The following FHIT variants were observed in gnomAD, a reference collection of about 807,000 sequenced individuals.
The protein encoded by FHIT is fragile histidine triad diadenosine triphosphatase.
In FHIT, 19 loss-of-function variants were observed where a neutral mutation model predicts 17.9. That is an observed-to-expected ratio of 1.06 (90% confidence interval 0.74 to 1.56). The LOEUF (loss-of-function observed/expected upper bound fraction) is 1.56, where lower values mean the gene tolerates loss of function less well. FHIT is among the 40% of genes most tolerant of loss of function. The pLI is 0.00. For synonymous variants in FHIT, 81 were observed against 69.7 expected (o/e 1.16, Z -0.81); for missense variants, 248 against 189.2 (o/e 1.31, Z -1.82).
At chr3:60,242,916 T>C (rs1396364915) in intron 5 of FHIT, among the ~76,000 whole-genome samples, 1 of 152,048 alleles carries the variant, frequency 6.6e-6, no homozygotes, top group African/African-American at 2.4e-5. Context: ...GTCAGCATAT[T>C]AACACACCAG....
chr3:59,938,859 A>T (rs1575730812), intron 7 of FHIT, among the ~76,000 whole-genome samples: 1 of 152,162 alleles, frequency 6.6e-6, no homozygotes, highest in East Asian at 1.9e-4. Flanking sequence ...AGGATAAATG[A>T]CTCCGATTAG....
At chr3:60,653,895 A>G (rs1011711208) in intron 4 of FHIT, among the ~76,000 whole-genome samples, 12 of 152,284 alleles carry the variant, frequency 7.9e-5, no homozygotes, top group Middle Eastern at 6.8e-3. Flanking sequence ...TTCCTGCCCA[A>G]ATCTCTTCAA....
chr3:60,228,342 G>A (rs1252683022), intron 5 of FHIT, among the ~76,000 whole-genome samples: 2 of 152,088 alleles, frequency 1.3e-5, no homozygotes, highest in Non-Finnish European at 2.9e-5. Flanking sequence ...AACCAGCACA[G>A]GGCTTTCTTT....
intron 7 of FHIT, among the ~76,000 whole-genome samples, chr3:59,943,385 G>A (rs1332757535): frequency 3.9e-5 from 6 of 152,096 alleles, no homozygotes; most frequent in African/African-American, 1.4e-4. Context: ...GAAATTGGAG[G>A]AGGATTATAC....
At chr3:59,835,133 G>C (rs765833516) in intron 8 of FHIT, among the ~76,000 whole-genome samples, 2 of 152,144 alleles carry the variant, frequency 1.3e-5, no homozygotes, top group African/African-American at 4.8e-5. Context: ...TCAACACATC[G>C]ATTATATGGA....
intron 7 of FHIT, among the ~76,000 whole-genome samples, chr3:59,978,621 G>A (rs1486299126): frequency 6.6e-6 from 1 of 151,062 alleles, no homozygotes; most frequent in Non-Finnish European, 1.5e-5. Flanking sequence ...TAGAAACAAC[G>A]GGGCTTTGGG....
intron 4 of FHIT, among the ~76,000 whole-genome samples, chr3:60,630,093 G>A (rs1341178479): frequency 4.6e-5 from 7 of 152,124 alleles, no homozygotes; most frequent in African/African-American, 1.7e-4. Context: ...GGTTCAAACA[G>A]GAACCCTACC....
At chr3:60,675,061 A>C (rs1359619929) in intron 4 of FHIT, among the ~76,000 whole-genome samples, 2 of 152,210 alleles carry the variant, frequency 1.3e-5, no homozygotes, top group African/African-American at 4.8e-5. Context: ...CCTAGGCAGA[A>C]AGCCAAGGTG....
intron 8 of FHIT, among the ~76,000 whole-genome samples, chr3:59,907,594 C>T (rs776557770): frequency 5.3e-5 from 8 of 152,182 alleles, no homozygotes; most frequent in Admixed American, 6.5e-5. Flanking sequence ...TGAGTGGGCA[C>T]GTGCATGCAT....
intron 4 of FHIT, among the ~76,000 whole-genome samples, chr3:60,794,318 A>T (rs559247322): frequency 6.6e-6 from 1 of 152,170 alleles, no homozygotes; most frequent in African/African-American, 2.4e-5. Context: ...CATATTCTAA[A>T]TAGAGAGATG....
intron 5 of FHIT, among the ~76,000 whole-genome samples, chr3:60,156,177 C>T (rs569635258): frequency 6.6e-6 from 1 of 150,958 alleles, no homozygotes; most frequent in African/African-American, 2.4e-5. Flanking sequence ...CATGGTGAAA[C>T]CCCTTCTCTA....
intron 8 of FHIT, among the ~76,000 whole-genome samples, chr3:59,774,665 T>C (rs1702223820): frequency 6.6e-6 from 1 of 152,204 alleles, no homozygotes; most frequent in Non-Finnish European, 1.5e-5. Flanking sequence ...CTTTTTTTCC[T>C]GTCTGTCTCC....
intron 5 of FHIT, among the ~76,000 whole-genome samples, chr3:60,045,017 T>C (rs1460632407): frequency 6.6e-6 from 1 of 151,988 alleles, no homozygotes; most frequent in East Asian, 1.9e-4. Context: ...CTTTTGCTTG[T>C]CCATATTGGC....
intron 5 of FHIT, among the ~76,000 whole-genome samples, chr3:60,109,290 TC>T (rs550460915): frequency 1.2e-3 from 189 of 152,338 alleles, no homozygotes; most frequent in Non-Finnish European, 1.6e-3. Context: ...TTAATGTCAT[TC>T]ACACAAGGAA....
chr3:61,036,901 G>GTTTTTTTTTTGTTTT (rs2033269178), intron 3 of FHIT, among the ~76,000 whole-genome samples: 1 of 70,308 alleles, frequency 1.4e-5, no homozygotes, highest in African/African-American at 3.2e-5. Context: ...AGTCTGCTTT[G>GTTTTTTTTTTGTTTT]TTTTTTTTTT....
intron 3 of FHIT, among the ~76,000 whole-genome samples, chr3:60,983,285 G>A (rs1710572182): frequency 6.6e-6 from 1 of 152,026 alleles, no homozygotes; most frequent in African/African-American, 2.4e-5. Flanking sequence ...AAGAGGGAGA[G>A]AAGAAGGAAA....
chr3:60,185,020 G>A (rs1044988803), intron 5 of FHIT, among the ~76,000 whole-genome samples: 6 of 152,106 alleles, frequency 3.9e-5, no homozygotes, highest in African/African-American at 1.4e-4. Flanking sequence ...ACTATAACGT[G>A]CTCCAGGCTC....
In FHIT at chr3:60,192,234, G is replaced by A. The variant is rs181141921; in HGVS notation, c.104-178082C>T. Among the ~76,000 whole-genome samples the A allele has an allele frequency of 8.3e-5, 11 of 131,938 alleles. No individual in the cohort carries two copies. In the East Asian group the frequency reaches 2.5e-3, roughly 30 times the overall value. The allele number at this position is 131,938 out of a possible 152,430, so 86.6% of individuals were successfully genotyped here. A position where few individuals can be genotyped will look rare whatever the true frequency, so the allele number is the denominator to read the frequency against. The stretch of plus-strand genomic sequence containing the variant: ...TCACTGCACTCCAGCCTGGGCAACA[G>A]AGCAACACTATGTCTCAAAAAAAAA... On this transcript the variant is annotated intron_variant, in intron 5 of 9. Transcript: ENST00000492590.
chr3:59,873,686 C>A (rs1011328483), intron 8 of FHIT, among the ~76,000 whole-genome samples: 4 of 152,150 alleles, frequency 2.6e-5, no homozygotes, highest in Non-Finnish European at 5.9e-5. Context: ...TTGGGACAAG[C>A]ACACATGCCT....
Sources: allele counts gnomAD v4.1 joint callset (sites outside exome capture counted in the v4.1 genomes callset), GRCh38; gene constraint gnomAD v4.1.1; transcripts MANE v1.5; gene names NCBI Gene and HGNC (gene_info 2026-07-23, HGNC 2026-07-21).